Variants in MITF observed in about 807,000 individuals in gnomAD.
MITF encodes the protein melanocyte inducing transcription factor, also known as microphthalmia-associated transcription factor.
In MITF, 17 loss-of-function variants were observed where a neutral mutation model predicts 60.5. That is an observed-to-expected ratio of 0.28 (90% confidence interval 0.19 to 0.42). The LOEUF is 0.42. Among genes scored for constraint, MITF ranks in the 10% least tolerant of loss-of-function variants. MITF has a pLI of 1.00. For missense variants in MITF, 622 were observed against 683.5 expected (o/e 0.91, Z 1.00); for synonymous variants, 260 against 248.5 (o/e 1.05, Z -0.43).
intron 1 of MITF, among the ~76,000 whole-genome samples, chr3:69,748,460 C>T (rs1348187659): frequency 2.0e-5 from 3 of 152,130 alleles, no homozygotes; most frequent in African/African-American, 7.2e-5. Context: ...AGGCTGGTCT[C>T]GAACCCTTGA....
intron 1 of MITF, among the ~76,000 whole-genome samples, chr3:69,758,312 G>A (rs2062160979): frequency 1.3e-5 from 2 of 151,730 alleles, no homozygotes; most frequent in African/African-American, 4.8e-5. Flanking sequence ...TGGGACTACA[G>A]GTGTACACCA....
intron 2 of MITF, among the ~76,000 whole-genome samples, chr3:69,933,250 T>C (rs965111871): frequency 6.6e-6 from 1 of 152,126 alleles, no homozygotes; most frequent in Non-Finnish European, 1.5e-5. Flanking sequence ...CACTCGCTTC[T>C]ACTTGAATTC....
chr3:69,963,752 T>G (rs1404027885), intron 9 of MITF, among the ~76,000 whole-genome samples: 2 of 152,090 alleles, frequency 1.3e-5, no homozygotes, highest in African/African-American at 4.8e-5. Context: ...AATGATATCA[T>G]GTGGTTGAAA....
chr3:69,920,152 G>A (rs1302030850), intron 2 of MITF, among the ~76,000 whole-genome samples: 1 of 152,202 alleles, frequency 6.6e-6, no homozygotes, highest in Non-Finnish European at 1.5e-5. Flanking sequence ...AAGAGTGCGA[G>A]CCTTCTGTTA....
intron 1 of MITF, among the ~76,000 whole-genome samples, chr3:69,820,934 T>A (rs572013520): frequency 3.2e-4 from 48 of 152,268 alleles, no homozygotes; most frequent in African/African-American, 1.1e-3. Context: ...TGTGTGTATG[T>A]GTCTGTGTGT....
intron 1 of MITF, among the ~76,000 whole-genome samples, chr3:69,744,593 A>G (rs1194404263): frequency 6.6e-6 from 1 of 152,244 alleles, no homozygotes; most frequent in African/African-American, 2.4e-5. Flanking sequence ...GTGCTGACAC[A>G]TAGTAAATGC....
At chr3:69,925,706 A>G (rs781042979) in intron 2 of MITF, among the ~76,000 whole-genome samples, 2 of 152,106 alleles carry the variant, frequency 1.3e-5, no homozygotes, top group Admixed American at 6.5e-5. Context: ...CAGTACTCCA[A>G]AAGTGCTGGC....
intron 2 of MITF, among the ~76,000 whole-genome samples, chr3:69,904,717 A>T (rs1178202728): frequency 1.3e-5 from 2 of 152,166 alleles, no homozygotes; most frequent in African/African-American, 4.8e-5. Context: ...TACATCTTGC[A>T]GGCCCCTGGC....
At chr3:69,877,951 C>G (rs115677175) in intron 1 of MITF, among the ~76,000 whole-genome samples, 442 of 152,046 alleles carry the variant, frequency 2.9e-3, no homozygotes, top group Non-Finnish European at 4.2e-3. Flanking sequence ...GGTTTTGAAC[C>G]GTTGACCTAA....
At chr3:69,819,748 G>A (rs2063237656) in intron 1 of MITF, among the ~76,000 whole-genome samples, 2 of 152,102 alleles carry the variant, frequency 1.3e-5, no homozygotes, top group African/African-American at 4.8e-5. Flanking sequence ...GATCACTTGA[G>A]GTCAGGAGTT....
chr3:69,882,491 A>G (rs1166849598), intron 2 of MITF, among the ~76,000 whole-genome samples: 2 of 152,152 alleles, frequency 1.3e-5, no homozygotes, highest in African/African-American at 4.8e-5. Flanking sequence ...AAATTAACCA[A>G]CACCTGGAGT....
chr3:69,941,468 G>A (rs568677234), intron 5 of MITF, 137 bp downstream of exon 5: 3 of 638,440 alleles, frequency 4.7e-6, no homozygotes, highest in African/African-American at 3.7e-5. Flanking sequence ...AATTATCTCA[G>A]GATCACAAAT....
At chr3:69,787,198 G>A (rs1356348099) in intron 1 of MITF, among the ~76,000 whole-genome samples, 4 of 152,126 alleles carry the variant, frequency 2.6e-5, no homozygotes, top group African/African-American at 9.7e-5. Context: ...TGAAGGAATG[G>A]GTTTTAGGCT....
In MITF at chr3:69,854,061, G is replaced by A. The variant is rs889969497; in HGVS notation, c.105-25073G>A. ...GACAGAGTTTCACCGTATTGGTCAG[G>A]CTGGTCTCGAACTCCTGACCTCGTG... is the stretch of plus-strand genomic sequence containing the variant. On this transcript the variant is annotated intron_variant, in intron 1 of 9. Coordinates refer to ENST00000352241, the MANE Select transcript of MITF (RefSeq NM_001354604.2). Among the ~76,000 whole-genome samples, 42 of 151,962 alleles carry A rather than the reference G, an allele frequency of 2.8e-4. 1 individual carries two copies. The highest frequency in any genetic ancestry group is 1.0e-3 in the African/African-American group (42 of 41,450).
At chr3:69,817,778 T>G (rs2063204978) in intron 1 of MITF, among the ~76,000 whole-genome samples, 1 of 152,176 alleles carries the variant, frequency 6.6e-6, no homozygotes, top group African/African-American at 2.4e-5. Flanking sequence ...TAAAAATAAA[T>G]GTAATAACAA....
At chr3:69,753,351 A>G (rs1228207983) in intron 1 of MITF, among the ~76,000 whole-genome samples, 2 of 152,254 alleles carry the variant, frequency 1.3e-5, no homozygotes, top group Non-Finnish European at 2.9e-5. Flanking sequence ...ATGTCCAGGC[A>G]GAAGCCTGCT....
At chr3:69,902,430 C>A (rs1471962130) in intron 2 of MITF, among the ~76,000 whole-genome samples, 1 of 152,142 alleles carries the variant, frequency 6.6e-6, no homozygotes, top group African/African-American at 2.4e-5. Context: ...ATGACAAACT[C>A]CATAAATACT....
At chr3:69,914,734 T>C (rs1233940870) in intron 2 of MITF, among the ~76,000 whole-genome samples, 1 of 152,166 alleles carries the variant, frequency 6.6e-6, no homozygotes, top group Admixed American at 6.5e-5. Context: ...GCTGTGTTAG[T>C]TGCCTGGTTG....
rs1449907248 is a variant in MITF, at chr3:69,793,554, G to GCATGCACCCTCTCCCAA, written c.104+53853_104+53854insCATGCACCCTCTCCCAA. 1.7e-4 allele frequency among the ~76,000 whole-genome samples: 17 copies of GCATGCACCCTCTCCCAA among 101,594 alleles called. No homozygotes were observed. The East Asian group carries it at 1.8e-3, about 11-fold the overall frequency. The allele number at this position is 101,594 out of a possible 152,430, so 66.6% of individuals were successfully genotyped here. ...GCATGCACCCTCTCCCAATGCTCAA[G>GCATGCACCCTCTCCCAA]TTATGATGACCAAAAATGTCTCTAG... On this transcript the variant is annotated intron_variant, in intron 1 of 9. Coordinates refer to ENST00000352241, the MANE Select transcript of MITF (RefSeq NM_001354604.2).
Sources: allele counts gnomAD v4.1 joint callset (sites outside exome capture counted in the v4.1 genomes callset), GRCh38; gene constraint gnomAD v4.1.1; transcripts MANE v1.5; gene names NCBI Gene and HGNC (gene_info 2026-07-23, HGNC 2026-07-21).